GPR158: variants seen among roughly 807,000 people sequenced by gnomAD.
GPR158 encodes G protein-coupled receptor 158, also known as metabotropic glycine receptor.
GPR158 carries 30 observed loss-of-function variants against 78.2 expected under a neutral mutation model. The observed-to-expected ratio is 0.38, with a 90% CI of 0.29 to 0.52. GPR158 has a LOEUF of 0.52. Among genes scored for constraint, GPR158 ranks in the 20% least tolerant of loss-of-function variants. The pLI, the probability that GPR158 is intolerant of heterozygous loss-of-function variation, is 0.83. For synonymous variants in GPR158, 581 were observed against 591.1 expected, an observed-to-expected ratio of 0.98 and a Z score of 0.25; for missense variants, 1,463 against 1,523.5, an observed-to-expected ratio of 0.96 and a Z score of 0.66.
intron 2 of GPR158, among the ~76,000 whole-genome samples, chr10:25,241,326 C>CTTCTCTTCTCTTCTCTT (rs1853619163): frequency 2.4e-5 from 3 of 123,698 alleles, no homozygotes; most frequent in Non-Finnish European, 3.2e-5. Context: ...CTTCTCTTCT[C>CTTCTCTTCTCTTCTCTT]TTCTCTTCTC....
At chr10:25,316,521 G>A (rs1372948472) in intron 2 of GPR158, among the ~76,000 whole-genome samples, 1 of 152,146 alleles carries the variant, frequency 6.6e-6, no homozygotes, top group Non-Finnish European at 1.5e-5. Flanking sequence ...ATTGAGCACT[G>A]TACAATTTCT....
intron 7 of GPR158, among the ~76,000 whole-genome samples, chr10:25,583,946 G>C (rs149637827): frequency 1.3e-5 from 2 of 152,176 alleles, no homozygotes; most frequent in East Asian, 3.9e-4. Context: ...CACAGAACTG[G>C]AGCACCTTCA....
intron 2 of GPR158, among the ~76,000 whole-genome samples, chr10:25,307,067 A>G (rs1439254684): frequency 6.6e-6 from 1 of 151,906 alleles, no homozygotes; most frequent in East Asian, 1.9e-4. Flanking sequence ...GAAAGAGAAT[A>G]AGTAAGAACA....
At chr10:25,384,705 A>AATGCCG (rs1834199946) in intron 2 of GPR158, among the ~76,000 whole-genome samples, 1 of 7,396 alleles carries the variant, frequency 1.4e-4, no homozygotes, top group Non-Finnish European at 9.2e-4. Flanking sequence ...ATTTCTGTTA[A>AATGCCG]AACAAGTCTT....
intron 2 of GPR158, among the ~76,000 whole-genome samples, chr10:25,366,265 G>A (rs188460289): frequency 5.6e-4 from 85 of 151,296 alleles, no homozygotes; most frequent in Non-Finnish European, 1.1e-3. Flanking sequence ...TCAAATAGTT[G>A]GATAATAGGA....
intron 5 of GPR158, among the ~76,000 whole-genome samples, chr10:25,491,998 C>T (rs1218568514): frequency 2.6e-5 from 4 of 152,250 alleles, no homozygotes; most frequent in Admixed American, 6.5e-5. Context: ...GTGTATTTGG[C>T]TCATGGTTCT....
chr10:25,529,127 G>A (rs1310568007), intron 5 of GPR158, among the ~76,000 whole-genome samples: 4 of 152,268 alleles, frequency 2.6e-5, no homozygotes, highest in South Asian at 2.1e-4. Context: ...GGTGGCTCAC[G>A]CGTGTAATCC....
intron 5 of GPR158, among the ~76,000 whole-genome samples, chr10:25,533,495 C>T (rs1318251390): frequency 6.6e-6 from 1 of 152,186 alleles, no homozygotes; most frequent in Non-Finnish European, 1.5e-5. Context: ...ATGGCTGTAT[C>T]TTCTCTCTCA....
At chr10:25,209,469 T>C (rs1028512374) in intron 1 of GPR158, among the ~76,000 whole-genome samples, 1 of 144,230 alleles carries the variant, frequency 6.9e-6, no homozygotes, top group African/African-American at 2.9e-5. Context: ...TTTTTTTTTC[T>C]TCCCACTAAA....
At chr10:25,409,564 T>G (rs1312683487) in intron 3 of GPR158, among the ~76,000 whole-genome samples, 1 of 152,200 alleles carries the variant, frequency 6.6e-6, no homozygotes, top group African/African-American at 2.4e-5. Context: ...ATTCCTTCTT[T>G]CTGCTAAAAA....
At chr10:25,218,671 G>A (rs551674272) in intron 1 of GPR158, among the ~76,000 whole-genome samples, 2 of 152,208 alleles carry the variant, frequency 1.3e-5, no homozygotes, top group South Asian at 2.1e-4. Flanking sequence ...ACAGTAGTCC[G>A]GTGAGAAGCT....
Position 25,596,635 on chromosome 10 carries a change from T to A in GPR158, c.1999-8T>A. 2 of 1,608,916 alleles carry A rather than the reference T, an allele frequency of 1.2e-6. No individual in the cohort carries two copies. The highest frequency in any genetic ancestry group is 1.7e-6 in the Non-Finnish European group (2 of 1,176,326). ...TAATGTCTACTGCTCATACTGAATT[T>A]GTTTCAGTTTTCACATTCAAGCAAT... is the stretch of plus-strand genomic sequence containing the variant. On this transcript the variant is annotated splice_polypyrimidine_tract_variant and splice_region_variant and intron_variant, in intron 9 of 10. Coordinates refer to ENST00000376351, the MANE Select transcript of GPR158 (RefSeq NM_020752.3).
intron 2 of GPR158, among the ~76,000 whole-genome samples, chr10:25,360,166 T>C (rs555196478): frequency 6.6e-6 from 1 of 152,338 alleles, no homozygotes; most frequent in Non-Finnish European, 1.5e-5. Flanking sequence ...CTTTGTCAGA[T>C]GGATAGATTG....
intron 5 of GPR158, among the ~76,000 whole-genome samples, chr10:25,533,288 T>G (rs1355233821): frequency 6.6e-6 from 1 of 152,202 alleles, no homozygotes; most frequent in Non-Finnish European, 1.5e-5. Context: ...TTAGCAGCCC[T>G]TAGTCCTTGT....
At chr10:25,205,882 G>A (rs1166695844) in intron 1 of GPR158, among the ~76,000 whole-genome samples, 1 of 151,520 alleles carries the variant, frequency 6.6e-6, no homozygotes, top group African/African-American at 2.4e-5. Context: ...TATGTGCCTT[G>A]TGCATATGAG....
At chr10:25,433,547 T>TTGTGTGTGTG (rs1554803583) in intron 4 of GPR158, among the ~76,000 whole-genome samples, 17 of 96,462 alleles carry the variant, frequency 1.8e-4, no homozygotes, top group African/African-American at 4.5e-4. Flanking sequence ...TGTGTGTGTG[T>TTGTGTGTGTG]TGTGTGTGTG....
At chr10:25,337,674 C>T (rs1855229387) in intron 2 of GPR158, among the ~76,000 whole-genome samples, 1 of 151,846 alleles carries the variant, frequency 6.6e-6, no homozygotes, top group African/African-American at 2.4e-5. Flanking sequence ...ATTGATGAGT[C>T]ATAGGGTGGG....
intron 5 of GPR158, among the ~76,000 whole-genome samples, chr10:25,515,761 G>A (rs1304128299): frequency 6.8e-6 from 1 of 146,610 alleles, no homozygotes; most frequent in African/African-American, 2.5e-5. Flanking sequence ...TCTTAATCCA[G>A]TCTATCATTG....
intron 2 of GPR158, among the ~76,000 whole-genome samples, chr10:25,291,267 A>G (rs1017337306): frequency 6.6e-6 from 1 of 152,094 alleles, no homozygotes; most frequent in Non-Finnish European, 1.5e-5. Context: ...GTGAGGTAAT[A>G]TAAAAAATAT....
Sources: gnomAD v4.1 joint callset for allele counts (sites outside exome capture counted in the v4.1 genomes callset) on GRCh38, gnomAD v4.1.1 for gene constraint, MANE v1.5 for transcripts, NCBI Gene and HGNC (gene_info 2026-07-23, HGNC 2026-07-21) for gene names.